DNAJC12: variants seen among roughly 807,000 people sequenced by gnomAD.
DNAJC12 encodes the protein dnaJ homolog subfamily C member 12.
In DNAJC12, 25 loss-of-function variants were observed where a neutral mutation model predicts 28.5. The observed-to-expected ratio is 0.88, with a 90% confidence interval of 0.64 to 1.22. The LOEUF is 1.22. DNAJC12 is among the 50% of genes most tolerant of loss of function. DNAJC12 has a pLI of 0.00. For missense variants in DNAJC12, 222 were observed against 231.7 expected (o/e 0.96, Z 0.27); for synonymous variants, 77 against 80.6 (o/e 0.95, Z 0.24).
intron 3 of DNAJC12, chr10:67,808,449 T>C (rs1589604400): frequency 6.6e-6 from 1 of 152,214 alleles, no homozygotes; most frequent in African/African-American, 2.4e-5. Flanking sequence ...TGGTTTTTTT[T>C]CTCTAGGAAG....
In DNAJC12 at chr10:67,796,993, A is replaced by AT; in HGVS notation, c.*122dup. The stretch of plus-strand genomic sequence containing the variant: ...AACTGATTCAAGGATGGAGGAATCA[A>AT]TTAGTACTCAGCAATTCACAGACAT... On this transcript the variant is annotated 3_prime_UTR_variant, in exon 5 of 5. Coordinates refer to ENST00000225171, the MANE Select transcript of DNAJC12 (RefSeq NM_021800.3). 1 of 650,342 alleles carries AT rather than the reference A, an allele frequency of 1.5e-6. No homozygotes were observed. Among genetic ancestry groups the AT allele is most frequent in the Non-Finnish European group, 2.6e-6 (1 of 388,796 alleles). 40.3% of individuals were successfully genotyped at this position (650,342 alleles called of 1,614,324 possible).
Position 67,805,624 on chromosome 10 carries a change from G to A in DNAJC12, c.461C>T (p.Pro154Leu), listed in dbSNP as rs976777572. 5.0e-6 allele frequency: 8 copies of A among 1,612,882 alleles called. No homozygotes were observed. Among genetic ancestry groups the A allele is most frequent in the Non-Finnish European group, 6.8e-6 (8 of 1,179,598 alleles). ...TTGCGGGGAGACTGACTTCTCTAGG[G>A]GCTTGGGTTCTTTCTGCTCCGTTTT... is the stretch of plus-strand genomic sequence containing the variant. ...AEKTEQKEPK[P>L]LEKSVSPQNS... The change falls in exon 4 of 5, where the codon CCC becomes CTC. Residue 154 changes from proline (P) to leucine (L), a missense_variant. By Grantham distance (98) the Pro-to-Leu change is moderately conservative. Coordinates refer to ENST00000225171, the MANE Select transcript of DNAJC12 (RefSeq NM_021800.3).
At chr10:67,833,802 G>C in intron 1 of DNAJC12, 1 of 499,828 alleles carries the variant, frequency 2.0e-6, no homozygotes, top group Admixed American at 2.2e-5. Context: ...GACCATTGCT[G>C]CTGCAGGATT....
chr10:67,806,518 C>T (rs767777232), intron 3 of DNAJC12, among the ~76,000 whole-genome samples: 3 of 152,130 alleles, frequency 2.0e-5, no homozygotes, highest in Non-Finnish European at 2.9e-5. Flanking sequence ...AACCAGCTCT[C>T]ACCCTAACAA....
rs1564863151 is a variant in DNAJC12 at position 67,819,682 on chromosome 10, GAAAGA to G, written c.157+3627_157+3631del. On this transcript the variant is annotated intron_variant, in intron 2 of 4. Coordinates refer to ENST00000225171, the MANE Select transcript of DNAJC12 (RefSeq NM_021800.3). ...AAAGAGAAAGAAAGAAAGAAAGAAAGAAAGAAAGAAAGAAAGGAAGGAAGGAAGGA... is the reference window on the plus strand; with the variant it reads ...AAAGAGAAAGAAAGAAAGAAAGAAAGAAGAAAGAAAGGAAGGAAGGAAGGA... Among the ~76,000 whole-genome samples the G allele has an allele frequency of 8.0e-4, 11 of 13,694 alleles. 1 individual carries two copies. In the Admixed American group the frequency reaches 9.6e-3, roughly 12 times the overall value. The allele number at this position is 13,694 out of a possible 152,430, so 9.0% of individuals were successfully genotyped here. A position where few individuals can be genotyped will look rare whatever the true frequency, so the allele number is the denominator to read the frequency against.
rs373261692 is a variant in DNAJC12, at chr10:67,797,174, C to T, written c.539G>A (p.Arg180His). ...TTCTGAGGGAGCATCCTTGGACCAG[C>T]GGAAACGAAGGTGCCAACCATTCAC... ...ADVNGWHLRF[R>H]WSKDAPSELL... Residue 180 changes from arginine (R) to histidine (H), a missense_variant, in exon 5 of 5, where the codon CGC (arginine) becomes CAC (histidine). Physicochemically the swap from Arg to His is conservative, Grantham distance 29 (BLOSUM62 0). Coordinates refer to ENST00000225171, the MANE Select transcript of DNAJC12 (RefSeq NM_021800.3). 82 of 1,613,448 alleles carry T rather than the reference C, an allele frequency of 5.1e-5. 1 individual carries two copies. The highest frequency in any genetic ancestry group is 1.1e-4 in the African/African-American group (8 of 74,986).
Position 67,823,361 on chromosome 10 carries a change from C to G in DNAJC12, c.110G>C (p.Arg37Thr), listed in dbSNP as rs1309642359. 1 of 1,614,028 alleles carries G rather than the reference C, an allele frequency of 6.2e-7. No individual in the cohort carries two copies. Among genetic ancestry groups the G allele is most frequent in the South Asian group, 1.1e-5 (1 of 91,056 alleles). The stretch of plus-strand genomic sequence containing the variant: ...CTTGTCTGGGTGACATTCCAGAGCT[C>G]TGACTTTAAATTCTGCCAGGATTTG... Reference protein sequence around the residue: ...VEQILAEFKVRALECHPDKHP... With the variant: ...VEQILAEFKVTALECHPDKHP... The change falls in exon 2 of 5, where the codon AGA becomes ACA. Residue 37 changes from arginine (R) to threonine (T), a missense_variant. By Grantham distance (71) the Arg-to-Thr change is moderately conservative. Coordinates refer to ENST00000225171, the MANE Select transcript of DNAJC12 (RefSeq NM_021800.3).
At chr10:67,833,597 C>T (rs1365609521) in intron 1 of DNAJC12, among the ~76,000 whole-genome samples, 35 of 152,062 alleles carry the variant, frequency 2.3e-4, no homozygotes, top group Admixed American at 4.6e-4. Context: ...GTTTGCTGGA[C>T]CATGGTAGGG....
chr10:67,805,549 C>A, intron 4 of DNAJC12, 34 bp downstream of exon 4: 1 of 1,562,140 alleles, frequency 6.4e-7, no homozygotes, highest in Non-Finnish European at 8.6e-7. Context: ...AATTTCAGAC[C>A]TTCTCCATTC....
chr10:67,816,624 C>T (rs1353062471), intron 2 of DNAJC12, among the ~76,000 whole-genome samples: 1 of 150,076 alleles, frequency 6.7e-6, no homozygotes, highest in African/African-American at 2.5e-5. Flanking sequence ...CAGCTCACTG[C>T]AACCACCGCC....
intron 1 of DNAJC12, among the ~76,000 whole-genome samples, chr10:67,835,774 T>A (rs1247664630): frequency 2.0e-5 from 3 of 151,122 alleles, no homozygotes; most frequent in Non-Finnish European, 2.9e-5. Flanking sequence ...GACAATATTA[T>A]GACAAACATT....
chr10:67,809,582 A>G (rs1033076017), intron 3 of DNAJC12, among the ~76,000 whole-genome samples: 3 of 152,158 alleles, frequency 2.0e-5, no homozygotes, highest in East Asian at 3.8e-4. Context: ...GTAGGGAAAA[A>G]ATACCAGTTC....
At chr10:67,819,598 C>G (rs902802820) in intron 2 of DNAJC12, among the ~76,000 whole-genome samples, 1 of 150,112 alleles carries the variant, frequency 6.7e-6, no homozygotes, top group Non-Finnish European at 1.5e-5. Flanking sequence ...GAGATCATGC[C>G]ACGGCCCTCC....
At chr10:67,802,462 T>C (rs151013571) in intron 4 of DNAJC12, among the ~76,000 whole-genome samples, 10 of 152,290 alleles carry the variant, frequency 6.6e-5, no homozygotes, top group African/African-American at 2.2e-4. Context: ...TCCCAGAACT[T>C]TGCTAGTGCC....
At chr10:67,816,622 T>C (rs2131801573) in intron 2 of DNAJC12, among the ~76,000 whole-genome samples, 1 of 149,868 alleles carries the variant, frequency 6.7e-6, no homozygotes, top group East Asian at 2.0e-4. Context: ...CTCAGCTCAC[T>C]GCAACCACCG....
At chr10:67,822,867 C>T (rs950749137) in intron 2 of DNAJC12, among the ~76,000 whole-genome samples, 13 of 151,604 alleles carry the variant, frequency 8.6e-5, no homozygotes, top group Non-Finnish European at 1.0e-4. Flanking sequence ...TGGTGGTGCA[C>T]GCCTGTAGTC....
chr10:67,797,856 C>T (rs376999352), intron 4 of DNAJC12, among the ~76,000 whole-genome samples: 244 of 152,010 alleles, frequency 1.6e-3, no homozygotes, highest in South Asian at 4.2e-3. Context: ...CTGGCTAACA[C>T]GGTGAAACCC....
At position 67,816,214 on chromosome 10, in the gene DNAJC12, AT is replaced by A. The variant is rs554672128; in HGVS notation, c.158-4552del. On this transcript the variant is annotated intron_variant, in intron 2 of 4. Coordinates refer to ENST00000225171, the MANE Select transcript of DNAJC12 (RefSeq NM_021800.3). ...AACAGTCACATTTTAAATGTATGCC[AT>A]TTACAATTACTTAAGAAATAATAAT... is the stretch of plus-strand genomic sequence containing the variant. The A allele has an allele frequency of 5.3e-5, 21 of 396,774 alleles. No individual in the cohort carries two copies. In the South Asian group the frequency reaches 2.8e-3, roughly 52 times the overall value. 24.6% of individuals were successfully genotyped at this position (396,774 alleles called of 1,614,324 possible). A position where few individuals can be genotyped will look rare whatever the true frequency, so the allele number is the denominator to read the frequency against.
intron 1 of DNAJC12, chr10:67,833,737 A>G (rs891335238): frequency 7.6e-5 from 33 of 432,808 alleles, no homozygotes; most frequent in African/African-American, 6.6e-4. Flanking sequence ...GGCTCTCGGT[A>G]GAGGCAAGGG....
Sources: allele counts gnomAD v4.1 joint callset (sites outside exome capture counted in the v4.1 genomes callset), GRCh38; gene constraint gnomAD v4.1.1; transcripts MANE v1.5; gene names NCBI Gene and HGNC (gene_info 2026-07-23, HGNC 2026-07-21).